Variants in ZNF716 observed in about 807,000 individuals in gnomAD.
ZNF716 encodes the protein zinc finger protein 716.
In ZNF716, 9 loss-of-function variants were observed where a neutral mutation model predicts 13.4. The observed-to-expected ratio is 0.67, with a 90% CI of 0.41 to 1.18. The LOEUF (loss-of-function observed/expected upper bound fraction) is 1.18. ZNF716 is among the 50% of genes most tolerant of loss of function. The pLI, the probability that ZNF716 is intolerant of heterozygous loss-of-function variation, is 0.01. For synonymous variants in ZNF716, 186 were observed against 195.2 expected (o/e 0.95, Z 0.39); for missense variants, 581 against 576.6 (o/e 1.01, Z -0.08).
Position 57,468,779 on chromosome 7 carries a change from A to G in ZNF716, c.318A>G (p.Ser106=), listed in dbSNP as rs781967881. Reference sequence around the variant, plus strand: ...AGTCAGAGCAGGGCATAAAAGATTCACTCCAAAAAGTGATACTGAGAAGAT... The same window carrying G: ...AGTCAGAGCAGGGCATAAAAGATTCGCTCCAAAAAGTGATACTGAGAAGAT... ...DLQSEQGIKD[S]LQKVILRRYG... is the part of the protein sequence containing the mutation. The change falls in exon 4 of 4, where the codon TCA becomes TCG. Residue 106 remains serine, a synonymous_variant. Coordinates refer to ENST00000420713, the MANE Select transcript of ZNF716 (RefSeq NM_001159279.1). The G allele has an allele frequency of 1.2e-6, 2 of 1,613,374 alleles. No individual in the cohort carries two copies. The highest frequency in any genetic ancestry group is 2.2e-5 in the South Asian group (2 of 90,974).
Position 57,469,769 on chromosome 7 carries a change from C to CAA in ZNF716, c.1310_1311dup (p.Cys438AsnfsTer15), listed in dbSNP as rs1243180640. On this transcript the variant is annotated frameshift_variant, in exon 4 of 4. Coordinates refer to ENST00000420713, the MANE Select transcript of ZNF716 (RefSeq NM_001159279.1). LOFTEE classifies it low-confidence loss of function (END_TRUNC). The stretch of plus-strand genomic sequence containing the variant: ...TAATTCATACTGGAGAGAAACTCTA[C>CAA]AAATGTAAAGAATGTGGGAAAGCCT... The CAA allele has an allele frequency of 1.1e-5, 17 of 1,610,002 alleles. No homozygotes were observed. Among genetic ancestry groups the CAA allele is most frequent in the African/African-American group, 2.7e-5 (2 of 74,730 alleles).
rs1554325145 is a variant in ZNF716, at chr7:57,470,568, C to T, written c.*619C>T. The T allele has an allele frequency of 6.6e-6, 1 of 152,602 alleles. No homozygotes were observed. Among genetic ancestry groups the T allele is most frequent in the African/African-American group, 2.4e-5 (1 of 41,392 alleles). 9.5% of individuals were successfully genotyped at this position (152,602 alleles called of 1,614,324 possible). The stretch of plus-strand genomic sequence containing the variant: ...AAAAACAATGTGGTAAAGCTTTTAC[C>T]TAGTCTTGAACCCTTATTATACACT... On this transcript the variant is annotated 3_prime_UTR_variant, in exon 4 of 4. Transcript: ENST00000420713.
Position 57,469,312 on chromosome 7 carries a change from C to A in ZNF716, c.851C>A (p.Thr284Asn). 6.3e-7 allele frequency: 1 copy of A among 1,589,398 alleles called. No homozygotes were observed. Among genetic ancestry groups the A allele is most frequent in the Non-Finnish European group, 8.6e-7 (1 of 1,165,718 alleles). ...RGKVFSRSTL[T>N]NYKRIHTGEK... Reference sequence around the variant, plus strand: ...AAAGTCTTTAGCCGCTCAACACTTACTAACTACAAGAGAATTCATACTGGA... The same window carrying A: ...AAAGTCTTTAGCCGCTCAACACTTAATAACTACAAGAGAATTCATACTGGA... Residue 284 changes from threonine to asparagine, a missense_variant, in exon 4 of 4, where the codon ACT becomes AAT. By Grantham distance (65) the Thr-to-Asn change is moderately conservative. Transcript: ENST00000420713.
intron 1 of ZNF716, among the ~76,000 whole-genome samples, chr7:57,451,181 G>A (rs1554321500): frequency 6.6e-6 from 1 of 151,894 alleles, no homozygotes; most frequent in African/African-American, 2.4e-5. Flanking sequence ...CACCACGCCC[G>A]GCTTTTGTTT....
chr7:57,457,716 T>C (rs1405019911), intron 1 of ZNF716, among the ~76,000 whole-genome samples: 2 of 152,154 alleles, frequency 1.3e-5, no homozygotes, highest in Non-Finnish European at 2.9e-5. Flanking sequence ...GGTAAAATCA[T>C]ATCATAAAGT....
chr7:57,465,258 T>A (rs561053180), intron 3 of ZNF716, among the ~76,000 whole-genome samples: 8 of 152,210 alleles, frequency 5.3e-5, no homozygotes, highest in Non-Finnish European at 8.8e-5. Flanking sequence ...TTGAAGAGTG[T>A]GTTTATTTCC....
chr7:57,468,695 G>A (rs1467757262), intron 3 of ZNF716, 29 bp from the exon 4 acceptor site: 2 of 1,578,470 alleles, frequency 1.3e-6, no homozygotes, highest in Middle Eastern at 1.7e-4. Context: ...GTAGTAAGTG[G>A]AGAAACTTGT....
At chr7:57,450,555 T>C (rs1299225625) in intron 1 of ZNF716, among the ~76,000 whole-genome samples, 2 of 152,236 alleles carry the variant, frequency 1.3e-5, no homozygotes, top group East Asian at 1.9e-4. Context: ...GGCTTTGCCC[T>C]GGACTGGAGC....
chr7:57,462,955 G>A (rs10225979), intron 2 of ZNF716, 118 bp from the exon 3 acceptor site: 13 of 1,366,192 alleles, frequency 9.5e-6, no homozygotes, highest in African/African-American at 5.8e-5. Context: ...GATCTGTTAC[G>A]AATCAATCTT....
chr7:57,450,400 G>T lies in ZNF716; in HGVS notation c.39+73G>T. The T allele has an allele frequency of 3.1e-6, 5 of 1,612,688 alleles. No homozygotes were observed. In the East Asian group the frequency reaches 6.7e-5, roughly 22 times the overall value. ...AACTGACTGAAAGTGGCTGTAGCAG[G>T]ACCCAAACTTCCTCGCAGTCAGCTC... On this transcript the variant is annotated intron_variant, in intron 1 of 3. Transcript: ENST00000420713.
At chr7:57,462,172 A>AC (rs1266173521) in intron 1 of ZNF716, among the ~76,000 whole-genome samples, 3 of 151,856 alleles carry the variant, frequency 2.0e-5, no homozygotes, top group Non-Finnish European at 4.4e-5. Context: ...AAAAAAAAAA[A>AC]AAGACATGTC....
chr7:57,466,833 C>T (rs1242829232), intron 3 of ZNF716, among the ~76,000 whole-genome samples: 1 of 151,654 alleles, frequency 6.6e-6, no homozygotes, highest in Non-Finnish European at 1.5e-5. Flanking sequence ...TTTTATGCTG[C>T]TATTTTAATT....
rs1427071324 is a variant in ZNF716 at position 57,473,535 on chromosome 7, T to C, written c.*3586T>C. ...AAACCATCTCAAAAAAAAAAATAAATAAATAAAAGATATACCTTAAGCATA... is the reference window on the plus strand; with the variant it reads ...AAACCATCTCAAAAAAAAAAATAAACAAATAAAAGATATACCTTAAGCATA... On this transcript the variant is annotated 3_prime_UTR_variant, in exon 4 of 4. Transcript: ENST00000420713. 2 of 151,526 alleles carry C rather than the reference T, an allele frequency of 1.3e-5. No homozygotes were observed. Among genetic ancestry groups the C allele is most frequent in the Middle Eastern group, 3.4e-3 (1 of 294 alleles). The allele number at this position is 151,526 out of a possible 1,614,324, so 9.4% of individuals were successfully genotyped here.
rs782745508 is a variant in ZNF716, at chr7:57,464,115, C to CTTTTTTTTTTTT, written c.262+953_262+954insTTTTTTTTTTTT. On this transcript the variant is annotated intron_variant, in intron 3 of 3. Transcript: ENST00000420713. Reference sequence around the variant, plus strand: ...AGGTAGTTCAATCATTTGTCCATTTCTTTTTTCTTTTTTTTTTTTTTTTGA... The same window carrying CTTTTTTTTTTTT: ...AGGTAGTTCAATCATTTGTCCATTTCTTTTTTTTTTTTTTTTTTCTTTTTTTTTTTTTTTTGA... Among the ~76,000 whole-genome samples, 62 of 110,210 alleles carry CTTTTTTTTTTTT rather than the reference C, an allele frequency of 5.6e-4. 11 individuals carry two copies. The highest frequency in any genetic ancestry group is 1.5e-3 in the East Asian group (5 of 3,410). The allele number at this position is 110,210 out of a possible 152,430, so 72.3% of individuals were successfully genotyped here.
Position 57,456,919 on chromosome 7 carries a change from A to G in ZNF716, c.40-5541A>G, listed in dbSNP as rs117214000. Among the ~76,000 whole-genome samples the G allele has an allele frequency of 0.017, 2,651 of 152,164 alleles. 169 individuals are homozygous for G. In the East Asian group the frequency reaches 0.24, roughly 14 times the overall value. On this transcript the variant is annotated intron_variant, in intron 1 of 3. Coordinates refer to ENST00000420713, the MANE Select transcript of ZNF716 (RefSeq NM_001159279.1). Reference sequence around the variant, plus strand: ...TGATTCTAGGTCTCCTCTCAGGGTGAAAGGGGACTAAAAACTTAGAGAAAA... The same window carrying G: ...TGATTCTAGGTCTCCTCTCAGGGTGGAAGGGGACTAAAAACTTAGAGAAAA...
intron 3 of ZNF716, among the ~76,000 whole-genome samples, chr7:57,465,691 T>C (rs1231128683): frequency 6.6e-6 from 1 of 152,144 alleles, no homozygotes; most frequent in Non-Finnish European, 1.5e-5. Flanking sequence ...TCTAACAGAA[T>C]GCACCAGGAG....
intron 2 of ZNF716, among the ~76,000 whole-genome samples, chr7:57,462,821 G>A (rs560694034): frequency 2.0e-5 from 3 of 152,106 alleles, no homozygotes; most frequent in Non-Finnish European, 2.9e-5. Context: ...CAAAACTGTC[G>A]TGGCATAAAA....
rs782292756 is a variant in ZNF716, at chr7:57,468,960, G to C, written c.499G>C (p.Gly167Arg). 8 of 1,608,818 alleles carry C rather than the reference G, an allele frequency of 5.0e-6. No individual in the cohort carries two copies. The highest frequency in any genetic ancestry group is 6.8e-6 in the Non-Finnish European group (8 of 1,177,234). ...FQTHKCVKVF[G>R]KFSNSNRHKT... ...GACTCATAAATGCGTCAAAGTCTTT[G>C]GTAAATTTTCAAATTCCAATAGACA... is the stretch of plus-strand genomic sequence containing the variant. The change falls in exon 4 of 4, where the codon GGT becomes CGT. Residue 167 changes from glycine to arginine, a missense_variant. Physicochemically the swap from Gly to Arg is moderately radical, Grantham distance 125. Coordinates refer to ENST00000420713, the MANE Select transcript of ZNF716 (RefSeq NM_001159279.1).
At chr7:57,456,038 C>A (rs1179123907) in intron 1 of ZNF716, among the ~76,000 whole-genome samples, 1 of 152,004 alleles carries the variant, frequency 6.6e-6, no homozygotes, top group Admixed American at 6.6e-5. Flanking sequence ...TCACCACAAC[C>A]TTCGCCTCCC....
Sources: allele counts gnomAD v4.1 joint callset (sites outside exome capture counted in the v4.1 genomes callset), GRCh38; gene constraint gnomAD v4.1.1; transcripts MANE v1.5; gene names NCBI Gene and HGNC (gene_info 2026-07-23, HGNC 2026-07-21).